Variants in DNAJC24 observed in about 807,000 individuals in gnomAD.
DNAJC24 encodes the protein dnaJ homolog subfamily C member 24.
A neutral mutation model predicts 18.0 loss-of-function variants in DNAJC24; 17 were observed. That is an observed-to-expected ratio of 0.94 (90% confidence interval 0.65 to 1.42). The LOEUF (loss-of-function observed/expected upper bound fraction) is 1.42. Among genes scored for constraint, DNAJC24 ranks in the 40% most tolerant of loss-of-function variants. The pLI is 0.00. For missense variants in DNAJC24, 158 were observed against 175.6 expected (o/e 0.90, Z 0.57); for synonymous variants, 55 against 57.7 (o/e 0.95, Z 0.21).
chr11:31,408,039 G>A (rs1422373523), intron 2 of DNAJC24: 5 of 452,936 alleles, frequency 1.1e-5, no homozygotes, highest in Admixed American at 2.4e-5. Context: ...TATGATTAGT[G>A]AACGAAAGGT....
chr11:31,409,693 T>C (rs1952688268), intron 2 of DNAJC24, among the ~76,000 whole-genome samples: 1 of 152,198 alleles, frequency 6.6e-6, no homozygotes, highest in South Asian at 2.1e-4. Flanking sequence ...AAGACTGTTA[T>C]GAATAAGACT....
chr11:31,413,681 A>C (rs1243264525), intron 2 of DNAJC24, among the ~76,000 whole-genome samples: 1 of 152,124 alleles, frequency 6.6e-6, no homozygotes, highest in African/African-American at 2.4e-5. Flanking sequence ...GAGCTTCTCC[A>C]CACTGCTAAG....
intron 2 of DNAJC24, among the ~76,000 whole-genome samples, chr11:31,394,967 T>C (rs903479745): frequency 6.6e-6 from 1 of 152,190 alleles, no homozygotes; most frequent in African/African-American, 2.4e-5. Context: ...TATAGATTAT[T>C]TTGTCACTCA....
intron 2 of DNAJC24, among the ~76,000 whole-genome samples, chr11:31,407,100 A>G (rs1185649082): frequency 6.6e-6 from 1 of 152,210 alleles, no homozygotes; most frequent in Admixed American, 6.5e-5. Context: ...GAGAGCTAGC[A>G]TCCTATTGAT....
intron 3 of DNAJC24, among the ~76,000 whole-genome samples, chr11:31,418,362 G>A (rs1189936996): frequency 6.6e-6 from 1 of 152,006 alleles, no homozygotes; most frequent in Non-Finnish European, 1.5e-5. Context: ...AAATCTTGTG[G>A]GGAGTTGTCC....
chr11:31,370,076 C>A (rs1036038157), intron 1 of DNAJC24, among the ~76,000 whole-genome samples, 164 bp downstream of exon 1: 1 of 152,274 alleles, frequency 6.6e-6, no homozygotes, highest in Non-Finnish European at 1.5e-5. Context: ...ATTTCTGGGG[C>A]TCCTGGTAGG....
At chr11:31,420,725 C>A (rs1952795706) in intron 3 of DNAJC24, among the ~76,000 whole-genome samples, 2 of 152,048 alleles carry the variant, frequency 1.3e-5, no homozygotes, top group Admixed American at 1.3e-4. Flanking sequence ...ACTAATTTGA[C>A]TAAGGTCACA....
intron 4 of DNAJC24, among the ~76,000 whole-genome samples, chr11:31,428,381 T>G (rs1355826798): frequency 2.0e-5 from 3 of 152,178 alleles, no homozygotes; most frequent in African/African-American, 7.2e-5. Flanking sequence ...GAAACCATTA[T>G]TCTTGTAGAA....
chr11:31,387,859 A>G (rs547103692), intron 2 of DNAJC24, among the ~76,000 whole-genome samples: 3 of 152,304 alleles, frequency 2.0e-5, no homozygotes, highest in East Asian at 3.9e-4. Flanking sequence ...GAAATTTAAG[A>G]TAACGCAGAG....
chr11:31,376,226 C>T (rs1460262324), intron 2 of DNAJC24, among the ~76,000 whole-genome samples: 3 of 152,276 alleles, frequency 2.0e-5, no homozygotes, highest in Non-Finnish European at 4.4e-5. Context: ...CCTCCCCAGC[C>T]GTGTGGAACT....
chr11:31,390,522 A>G (rs1952483272), intron 2 of DNAJC24, among the ~76,000 whole-genome samples: 2 of 151,764 alleles, frequency 1.3e-5, no homozygotes, highest in African/African-American at 4.8e-5. Flanking sequence ...CCTAGCCATT[A>G]TAGTGAAACC....
chr11:31,414,440 A>T (rs1232266001), intron 2 of DNAJC24, among the ~76,000 whole-genome samples: 1 of 152,192 alleles, frequency 6.6e-6, no homozygotes, highest in African/African-American at 2.4e-5. Flanking sequence ...GGAAAGCTTC[A>T]TACTCTGCCT....
chr11:31,400,366 G>GA (rs1330578947), intron 2 of DNAJC24, among the ~76,000 whole-genome samples: 2 of 151,860 alleles, frequency 1.3e-5, no homozygotes, highest in African/African-American at 2.4e-5. Context: ...CGCAGAATTA[G>GA]AAAAAACTAC....
At chr11:31,408,573 G>A (rs1952676674) in intron 2 of DNAJC24, among the ~76,000 whole-genome samples, 1 of 152,212 alleles carries the variant, frequency 6.6e-6, no homozygotes, top group Non-Finnish European at 1.5e-5. Context: ...CATAACTGAA[G>A]TGTTACTTAT....
intron 2 of DNAJC24, chr11:31,407,574 A>C (rs1952667303): frequency 6.6e-6 from 1 of 151,012 alleles, no homozygotes; most frequent in Non-Finnish European, 1.5e-5. Context: ...GGTTCCAGCT[A>C]CTTGGGAGGC....
chr11:31,389,063 C>A (rs1470738834), intron 2 of DNAJC24, among the ~76,000 whole-genome samples: 4 of 151,536 alleles, frequency 2.6e-5, no homozygotes, highest in Admixed American at 1.3e-4. Flanking sequence ...GAGAAAATCA[C>A]CTTCACTGTA....
chr11:31,420,511 C>T (rs966991773), intron 3 of DNAJC24, among the ~76,000 whole-genome samples: 10 of 152,082 alleles, frequency 6.6e-5, no homozygotes, highest in African/African-American at 2.4e-4. Flanking sequence ...TTTTCTCCTA[C>T]TAATAATGGA....
chr11:31,411,322 T>G (rs1383109499), intron 2 of DNAJC24, among the ~76,000 whole-genome samples: 1 of 152,184 alleles, frequency 6.6e-6, no homozygotes, highest in Non-Finnish European at 1.5e-5. Flanking sequence ...TCTTAAAACA[T>G]TCTAGTGTCT....
intron 2 of DNAJC24, among the ~76,000 whole-genome samples, chr11:31,395,497 T>C (rs1952535799): frequency 6.6e-6 from 1 of 152,162 alleles, no homozygotes; most frequent in African/African-American, 2.4e-5. Flanking sequence ...GCTGAACTTA[T>C]TTGCATTCCC....
Sources: gnomAD v4.1 joint callset for allele counts (sites outside exome capture counted in the v4.1 genomes callset) on GRCh38, gnomAD v4.1.1 for gene constraint, MANE v1.5 for transcripts, NCBI Gene and HGNC (gene_info 2026-07-23, HGNC 2026-07-21) for gene names.